The following NCOA7 variants were observed in gnomAD, a reference collection of about 807,000 sequenced individuals.
The protein encoded by NCOA7 is 140 kDa estrogen receptor-associated protein.
In NCOA7, 45 loss-of-function variants were observed where a neutral mutation model predicts 104.3. That is an observed-to-expected ratio of 0.43 (90% CI 0.34 to 0.55). The LOEUF (loss-of-function observed/expected upper bound fraction) is 0.55. NCOA7 is among the 20% of genes least tolerant of loss of function. NCOA7 has a pLI of 0.02. For synonymous variants in NCOA7, 398 were observed against 402.3 expected (o/e 0.99, Z 0.13); for missense variants, 1,041 against 1,119.7 (o/e 0.93, Z 1.00).
chr6:125,900,336 A>C (rs988858856), intron 10 of NCOA7, among the ~76,000 whole-genome samples: 1 of 152,266 alleles, frequency 6.6e-6, no homozygotes, highest in South Asian at 2.1e-4. Context: ...AATCCACGCT[A>C]TGGGCTGCCA....
At chr6:125,927,192 AG>A (rs1788106948) in intron 13 of NCOA7, among the ~76,000 whole-genome samples, 1 of 152,352 alleles carries the variant, frequency 6.6e-6, no homozygotes, top group African/African-American at 2.4e-5. Context: ...ATCAAAAGAA[AG>A]GAAAGTTTAT....
intron 10 of NCOA7, chr6:125,899,993 C>A (rs2128670092): frequency 5.6e-6 from 3 of 532,992 alleles, no homozygotes; most frequent in Non-Finnish European, 7.7e-6. Context: ...CTAATCCCTG[C>A]CAATGGGTGC....
chr6:125,881,109 C>G lies in NCOA7; in HGVS notation c.479C>G (p.Ala160Gly), dbSNP rs1174982896. The change falls in exon 6 of 16, where the codon GCC becomes GGC. Residue 160 changes from alanine to glycine, a missense_variant. Coordinates refer to ENST00000392477, the MANE Select transcript of NCOA7 (RefSeq NM_181782.5). ...TCTCAGGTCCTTTTTGTGCCAGATG[C>G]CAACTCTCCTTCCAGTACCTTAAGG... is the stretch of plus-strand genomic sequence containing the variant. ...VPGQVLFVPD[A>G]NSPSSTLRLS... 1.9e-6 allele frequency: 3 copies of G among 1,613,948 alleles called. No homozygotes were observed. In the East Asian group the frequency reaches 6.7e-5, roughly 36 times the overall value.
chr6:125,885,377 G>T, intron 8 of NCOA7, 34 bp downstream of exon 8: 1 of 1,603,102 alleles, frequency 6.2e-7, no homozygotes, highest in South Asian at 1.1e-5. Context: ...GGAAAAAAGG[G>T]GTGTTGAGAG....
chr6:125,876,960 C>T (rs1269923032), intron 4 of NCOA7, among the ~76,000 whole-genome samples: 1 of 151,840 alleles, frequency 6.6e-6, no homozygotes, highest in African/African-American at 2.4e-5. Context: ...CTCTGATCCC[C>T]CTATACAGTG....
Position 125,882,543 on chromosome 6 carries a change from G to A in NCOA7, c.691G>A (p.Asp231Asn), listed in dbSNP as rs765975449. The change falls in exon 7 of 16, where the codon GAT becomes AAT. Residue 231 changes from aspartate to asparagine, a missense_variant. Asp to Asn is a conservative substitution (Grantham distance 23). Around this residue, in one of 2 missense-constraint regions of NCOA7, gnomAD observed 914 missense variants for 942.7 expected, o/e 0.97. Coordinates refer to ENST00000392477, the MANE Select transcript of NCOA7 (RefSeq NM_181782.5). ...FLKMNCRYFTDGKGVVGGVMI... is the reference protein window; with the variant it reads ...FLKMNCRYFTNGKGVVGGVMI... ...AAAAATGAATTGTCGATACTTCACC[G>A]ATGGAAAGGTATATAGCAATGTAAT... 2.8e-5 allele frequency: 45 copies of A among 1,612,532 alleles called. No homozygotes were observed. In the East Asian group the frequency reaches 4.0e-4, roughly 14 times the overall value.
At chr6:125,869,312 C>G (rs541980781) in intron 3 of NCOA7, among the ~76,000 whole-genome samples, 2 of 152,162 alleles carry the variant, frequency 1.3e-5, no homozygotes, top group South Asian at 2.1e-4. Context: ...TTCTTGACAC[C>G]CTCCCCAGTC....
At chr6:125,908,130 GTA>G (rs1314792864) in intron 10 of NCOA7, among the ~76,000 whole-genome samples, 2 of 152,182 alleles carry the variant, frequency 1.3e-5, no homozygotes, top group Non-Finnish European at 2.9e-5. Flanking sequence ...TTCCAAAAGA[GTA>G]GGCTTGGGAT....
At chr6:125,792,902 C>G (rs1047477331) in intron 1 of NCOA7, among the ~76,000 whole-genome samples, 1 of 151,962 alleles carries the variant, frequency 6.6e-6, no homozygotes, top group Non-Finnish European at 1.5e-5. Flanking sequence ...TCAGTGTGAA[C>G]TTCTTTCAGT....
intron 2 of NCOA7, among the ~76,000 whole-genome samples, chr6:125,826,536 T>C (rs916509058): frequency 2.0e-5 from 3 of 152,088 alleles, no homozygotes; most frequent in Non-Finnish European, 2.9e-5. Context: ...ATTTAAGACT[T>C]CTCTCAGTTC....
At chr6:125,790,938 C>G (rs1774781906), upstream of NCOA7, 1 of 152,854 alleles carries the variant, frequency 6.5e-6, no homozygotes, top group Admixed American at 6.5e-5. Context: ...CGGTCCTCCC[C>G]TGACCCCTCC....
intron 9 of NCOA7, among the ~76,000 whole-genome samples, chr6:125,890,337 G>A (rs1174304156): frequency 1.3e-5 from 2 of 152,130 alleles, no homozygotes; most frequent in Non-Finnish European, 2.9e-5. Flanking sequence ...GTTCTCAGTA[G>A]CATTCATTAA....
intron 3 of NCOA7, among the ~76,000 whole-genome samples, chr6:125,872,887 C>T (rs1175044855): frequency 6.6e-6 from 1 of 152,126 alleles, no homozygotes; most frequent in African/African-American, 2.4e-5. Context: ...TTTTTATAGT[C>T]TAGAGGAATG....
intron 3 of NCOA7, among the ~76,000 whole-genome samples, chr6:125,855,968 T>C (rs1781516969): frequency 1.3e-5 from 2 of 152,216 alleles, no homozygotes; most frequent in South Asian, 2.1e-4. Context: ...CATAGTGTTA[T>C]ATAGTTTCTC....
intron 10 of NCOA7, chr6:125,913,664 G>T: frequency 1.0e-6 from 1 of 983,988 alleles, no homozygotes; most frequent in Non-Finnish European, 1.2e-6. Context: ...ACTCTCTAAA[G>T]AAATACACCT....
intron 1 of NCOA7, among the ~76,000 whole-genome samples, chr6:125,784,210 TA>T (rs1486064021): frequency 2.6e-5 from 4 of 152,250 alleles, no homozygotes; most frequent in Non-Finnish European, 5.9e-5. Flanking sequence ...TTTTGTTTAT[TA>T]AGCTATTCAT....
At chr6:125,922,358 G>T (rs1787660326) in intron 12 of NCOA7, among the ~76,000 whole-genome samples, 4 of 152,158 alleles carry the variant, frequency 2.6e-5, no homozygotes, top group Admixed American at 2.6e-4. Context: ...TAAAAGCCAG[G>T]TTGAAGTGGA....
chr6:125,924,557 T>C (rs552713473), intron 13 of NCOA7, among the ~76,000 whole-genome samples: 1 of 152,232 alleles, frequency 6.6e-6, no homozygotes, highest in Non-Finnish European at 1.5e-5. Context: ...ATATTATATA[T>C]GTAGACTGGC....
chr6:125,920,215 C>A (rs937958980), intron 11 of NCOA7, among the ~76,000 whole-genome samples: 1 of 152,118 alleles, frequency 6.6e-6, no homozygotes, highest in Non-Finnish European at 1.5e-5. Flanking sequence ...ATAATTGTAA[C>A]CTAGTTGTAA....
Sources: allele counts gnomAD v4.1 joint callset (sites outside exome capture counted in the v4.1 genomes callset), GRCh38; gene constraint gnomAD v4.1.1; regional missense constraint gnomAD v4.1.1; transcripts MANE v1.5; gene names NCBI Gene and HGNC (gene_info 2026-07-23, HGNC 2026-07-21).